Variants in LTN1 observed in about 807,000 individuals in gnomAD.
LTN1 encodes the protein E3 ubiquitin-protein ligase listerin.
In LTN1, 88 loss-of-function variants were observed where a neutral mutation model predicts 201.2. The observed-to-expected ratio is 0.44, with a 90% confidence interval of 0.37 to 0.52. The LOEUF (loss-of-function observed/expected upper bound fraction) is 0.52, where lower values mean the gene tolerates loss of function less well. LTN1 is among the 20% of genes least tolerant of loss of function. LTN1 has a pLI of 0.00. For missense variants in LTN1, 1,752 were observed against 2,038.7 expected, an observed-to-expected ratio of 0.86 and a Z score of 2.71; for synonymous variants, 645 against 713.5, an observed-to-expected ratio of 0.90 and a Z score of 1.53.
Position 28,986,806 on chromosome 21 carries a change from A to T in LTN1, c.171T>A (p.Ile57=). The change falls in exon 2 of 30, where the codon ATT becomes ATA. Residue 57 remains isoleucine (I), a synonymous_variant. Coordinates refer to ENST00000361371, the MANE Select transcript of LTN1 (RefSeq NM_015565.3). The surrounding 1 kb of genome is among the most constrained non-coding windows in gnomAD (Gnocchi z 4.1). ...YVPAIQGAEE[I]DSLVDSDFRM... is the part of the protein sequence containing the mutation. The stretch of plus-strand genomic sequence containing the variant: ...GGAAATCAGAATCTACAAGACTGTC[A>T]ATTTCTTCAGCTCCTTGAATAGCAG... 6.2e-7 allele frequency: 1 copy of T among 1,614,042 alleles called. No individual in the cohort carries two copies. The highest frequency in any genetic ancestry group is 1.3e-5 in the African/African-American group (1 of 75,066).
At chr21:28,958,595 C>A in intron 13 of LTN1, 56 bp from the exon 14 acceptor site, 1 of 1,314,236 alleles carries the variant, frequency 7.6e-7, no homozygotes, top group Non-Finnish European at 1.0e-6. Flanking sequence ...CTCTCATCAG[C>A]ACAAAATGTT....
At chr21:28,932,364 T>A (rs943343295) in intron 28 of LTN1, 106 bp downstream of exon 28, 1 of 908,486 alleles carries the variant, frequency 1.1e-6, no homozygotes. Context: ...AAGTTTAATA[T>A]CTACTTTTAT....
At chr21:28,931,069 GTGTGTGTGT>G in intron 29 of LTN1, 77 bp downstream of exon 29, 2 of 319,220 alleles carry the variant, frequency 6.3e-6, no homozygotes, top group Non-Finnish European at 9.6e-6. Flanking sequence ...TTGTGTAGGT[GTGTGTGTGT>G]GTGTGTGTGT....
chr21:28,939,480 G>GT (rs1343633989), intron 25 of LTN1, among the ~76,000 whole-genome samples: 2 of 152,100 alleles, frequency 1.3e-5, no homozygotes, highest in African/African-American at 4.8e-5. Context: ...TGATTTGCTA[G>GT]TTTTTTTGAG....
chr21:28,950,849 T>A (rs1471562476), intron 18 of LTN1, among the ~76,000 whole-genome samples: 2 of 152,062 alleles, frequency 1.3e-5, no homozygotes, highest in Non-Finnish European at 2.9e-5. Context: ...ATGACATAAT[T>A]ACAAAGAGAG....
At chr21:28,978,983 A>ATAAGGTTATGTAGTAG (rs2084637647) in intron 6 of LTN1, among the ~76,000 whole-genome samples, 2 of 152,238 alleles carry the variant, frequency 1.3e-5, no homozygotes, top group Non-Finnish European at 2.9e-5. Context: ...AGGCTAGAAT[A>ATAAGGTTATGTAGTAG]CAAGGTTATG....
intron 5 of LTN1, 47 bp from the exon 6 acceptor site, chr21:28,981,346 A>G: frequency 9.5e-7 from 1 of 1,057,228 alleles, no homozygotes; most frequent in Non-Finnish European, 1.3e-6. Flanking sequence ...AGAATTAGCC[A>G]AACTATATAT....
At chr21:28,983,504 C>T (rs1568858281) in intron 4 of LTN1, among the ~76,000 whole-genome samples, 1 of 152,100 alleles carries the variant, frequency 6.6e-6, no homozygotes, top group African/African-American at 2.4e-5. Flanking sequence ...CTTGGTACAC[C>T]TGAGAAATGA....
intron 6 of LTN1, among the ~76,000 whole-genome samples, chr21:28,973,519 T>G (rs1385147860): frequency 6.6e-6 from 1 of 151,994 alleles, no homozygotes; most frequent in Non-Finnish European, 1.5e-5. Flanking sequence ...TTATATAAAA[T>G]ATTACCAAAT....
intron 9 of LTN1, among the ~76,000 whole-genome samples, chr21:28,968,326 C>T (rs1048276860): frequency 6.6e-6 from 1 of 152,144 alleles, no homozygotes; most frequent in African/African-American, 2.4e-5. Flanking sequence ...TATAAGTCAA[C>T]ATGAAAGATA....
At chr21:28,969,694 C>A in intron 8 of LTN1, 93 bp from the exon 9 acceptor site, 1 of 829,584 alleles carries the variant, frequency 1.2e-6, no homozygotes, top group Non-Finnish European at 1.8e-6. Context: ...GGCATCATGA[C>A]AGAAGAAACA....
intron 25 of LTN1, among the ~76,000 whole-genome samples, chr21:28,939,127 C>A (rs1294457762): frequency 6.6e-6 from 1 of 152,074 alleles, no homozygotes; most frequent in African/African-American, 2.4e-5. Flanking sequence ...ATACTAAAAA[C>A]TTTAATACAG....
chr21:28,985,067 T>C (rs997288750), intron 3 of LTN1, 145 bp from the exon 4 acceptor site: 3 of 586,702 alleles, frequency 5.1e-6, no homozygotes, highest in African/African-American at 1.9e-5. Context: ...AATCAATAAT[T>C]TGGAGGTTTT....
chr21:28,967,220 C>A, intron 9 of LTN1, 41 bp from the exon 10 acceptor site: 1 of 1,394,916 alleles, frequency 7.2e-7, no homozygotes, highest in South Asian at 1.3e-5. Context: ...TATATTTGGT[C>A]TTCAACCCCC....
At chr21:28,981,320 A>T (rs778551995) in intron 5 of LTN1, 21 bp from the exon 6 acceptor site, 1 of 1,339,032 alleles carries the variant, frequency 7.5e-7, no homozygotes, top group South Asian at 2.0e-5. Context: ...AACAAAATAA[A>T]TATATTTAAA....
Position 28,935,115 on chromosome 21 carries a change from G to A in LTN1, c.4869C>T (p.Gly1623=). 1 of 1,597,406 alleles carries A rather than the reference G, an allele frequency of 6.3e-7. No individual in the cohort carries two copies. The highest frequency in any genetic ancestry group is 8.6e-7 in the Non-Finnish European group (1 of 1,165,458). ...SVQTSTQLFN[G]MTVKARATTR... is the part of the protein sequence containing the mutation. ...AAGTCAAGACAATACTAACCGTCAT[G>A]CCATTAAATAGTTGTGTACTTGTTT... The change falls in exon 27 of 30, where the codon GGC becomes GGT. Residue 1623 remains glycine, a synonymous_variant. Transcript: ENST00000361371.
chr21:28,941,196 G>A (rs141550176), intron 25 of LTN1, 24 bp downstream of exon 25: 16 of 1,575,718 alleles, frequency 1.0e-5, no homozygotes, highest in Non-Finnish European at 1.2e-5. Flanking sequence ...CAGAACTATC[G>A]AAAGTTGTCA....
In LTN1 at chr21:28,928,476, T is replaced by A. The variant is rs1307848703; in HGVS notation, c.*1972A>T. 1 of 152,214 alleles carries A rather than the reference T, an allele frequency of 6.6e-6. No individual in the cohort carries two copies. Among genetic ancestry groups the A allele is most frequent in the Non-Finnish European group, 1.5e-5 (1 of 68,020 alleles). 9.4% of individuals were successfully genotyped at this position (152,214 alleles called of 1,614,324 possible). On this transcript the variant is annotated 3_prime_UTR_variant, in exon 30 of 30. Coordinates refer to ENST00000361371, the MANE Select transcript of LTN1 (RefSeq NM_015565.3). ...TAAATTAATAATTTTGCTAATCTCATGCAATTTTAAAATGTCCTTAAGCTA... is the reference window on the plus strand; with the variant it reads ...TAAATTAATAATTTTGCTAATCTCAAGCAATTTTAAAATGTCCTTAAGCTA...
intron 9 of LTN1, among the ~76,000 whole-genome samples, chr21:28,969,091 G>T (rs1208262910): frequency 6.6e-6 from 1 of 151,772 alleles, no homozygotes; most frequent in East Asian, 2.0e-4. Context: ...TGTGGTGGCG[G>T]GTGCCTGTAA....
Sources: gnomAD v4.1 joint callset for allele counts (sites outside exome capture counted in the v4.1 genomes callset) on GRCh38, gnomAD v4.1.1 for gene constraint, Gnocchi (gnomAD v3.1) non-coding constraint, MANE v1.5 for transcripts, NCBI Gene and HGNC (gene_info 2026-07-23, HGNC 2026-07-21) for gene names.